ETV5: variants seen among roughly 807,000 people sequenced by gnomAD.
ETV5 encodes ETS translocation variant 5.
Under a neutral mutation model 70.0 loss-of-function variants are expected in ETV5, and 10 were observed. The observed-to-expected ratio is 0.14, with a 90% CI of 0.09 to 0.24. ETV5 has a LOEUF of 0.24. Among genes scored for constraint, ETV5 ranks in the 10% least tolerant of loss-of-function variants. The probability of loss-of-function intolerance (pLI) is 1.00; values close to 1 mark genes in which losing one functional copy is unlikely to be tolerated. For synonymous variants in ETV5, 216 were observed against 242.2 expected (o/e 0.89, Z 1.01); for missense variants, 453 against 651.2 (o/e 0.70, Z 3.31).
intron 7 of ETV5, among the ~76,000 whole-genome samples, chr3:186,071,234 A>G (rs911943928): frequency 2.0e-5 from 3 of 152,202 alleles, no homozygotes; most frequent in Non-Finnish European, 4.4e-5. Context: ...GACAGAGGTT[A>G]TATAGTGATT....
In ETV5 at chr3:186,057,291, C is replaced by T; in HGVS notation, c.1040-47G>A. The T allele has an allele frequency of 4.3e-6, 7 of 1,611,134 alleles. No homozygotes were observed. The highest frequency in any genetic ancestry group is 5.1e-6 in the Non-Finnish European group (6 of 1,177,718). On this transcript the variant is annotated intron_variant, in intron 10 of 12. Coordinates refer to ENST00000306376, the MANE Select transcript of ETV5 (RefSeq NM_004454.3). The surrounding 1 kb of genome is among the most constrained non-coding windows in gnomAD (Gnocchi z 4.9). ...CACACAATAGCTTAGTCCTAAGTTT[C>T]TCAGGTGGTTGGGACAAAAAGGAGT...
In ETV5 at chr3:186,074,396, T is replaced by G. The variant is rs143699771; in HGVS notation, c.650+5421A>C. ...GTTAGCAGTAAATTCTTCAAAAAGT[T>G]CAAGGAATAAAGACTTCCAATTTCA... On this transcript the variant is annotated intron_variant, in intron 7 of 12. Transcript: ENST00000306376. Among the ~76,000 whole-genome samples, 330 of 152,262 alleles carry G rather than the reference T, an allele frequency of 2.2e-3. 1 individual carries two copies. Among genetic ancestry groups the G allele is most frequent in the African/African-American group, 7.6e-3 (317 of 41,550 alleles).
At chr3:186,097,889 T>G (rs913620096) in intron 5 of ETV5, among the ~76,000 whole-genome samples, 3 of 152,190 alleles carry the variant, frequency 2.0e-5, no homozygotes, top group Admixed American at 6.5e-5. Flanking sequence ...GGGGTCTGGT[T>G]ATTCATTGAA....
intron 7 of ETV5, among the ~76,000 whole-genome samples, chr3:186,068,615 C>A (rs1388409556): frequency 6.6e-6 from 1 of 152,154 alleles, no homozygotes; most frequent in Non-Finnish European, 1.5e-5. Context: ...GGAAAGCCTG[C>A]CGTGCCTTAG....
At chr3:186,108,284 A>G (rs1714644759) in intron 1 of ETV5, among the ~76,000 whole-genome samples, 1 of 151,026 alleles carries the variant, frequency 6.6e-6, no homozygotes, top group African/African-American at 2.4e-5. Context: ...TATCCCCACC[A>G]TCCCCAGGCC....
chr3:186,077,391 C>T (rs538487188), intron 7 of ETV5, among the ~76,000 whole-genome samples: 2 of 152,254 alleles, frequency 1.3e-5, no homozygotes, highest in South Asian at 4.1e-4. Context: ...ATTTCTATTA[C>T]TTTTACAAAT....
rs1023789200 is a variant in ETV5 at position 186,075,585 on chromosome 3, CAAT to C, written c.650+4229_650+4231del. ...CCCATCCCTTTAAGCTCTGAATCCT[CAAT>C]AATAACCACCGAAGCAGACGTTCTT... On this transcript the variant is annotated intron_variant, in intron 7 of 12. Transcript: ENST00000306376. Among the ~76,000 whole-genome samples, 3 of 152,270 alleles carry C rather than the reference CAAT, an allele frequency of 2.0e-5. No individual in the cohort carries two copies. The East Asian group carries it at 5.8e-4, about 29-fold the overall frequency.
intron 11 of ETV5, among the ~76,000 whole-genome samples, chr3:186,055,509 GT>G: frequency 1.3e-5 from 2 of 152,214 alleles, no homozygotes; most frequent in East Asian, 3.8e-4. Context: ...AGCTCTGAAG[GT>G]AGACTGAACC....
At chr3:186,082,064 C>G (rs1319806344) in intron 5 of ETV5, among the ~76,000 whole-genome samples, 1 of 152,160 alleles carries the variant, frequency 6.6e-6, no homozygotes, top group Non-Finnish European at 1.5e-5. Flanking sequence ...CAAAATAAAC[C>G]CAAAGAACAA....
At chr3:186,106,043 C>T in intron 1 of ETV5, 101 bp from the exon 2 acceptor site, 1 of 807,208 alleles carries the variant, frequency 1.2e-6, no homozygotes, top group Non-Finnish European at 2.0e-6. Context: ...AAATTATTAC[C>T]CTTCTGTGAA....
chr3:186,085,034 C>T (rs10937240), intron 5 of ETV5, among the ~76,000 whole-genome samples: 46,115 of 152,032 alleles, frequency 0.3, 8,625 homozygotes, highest in East Asian at 0.6. Flanking sequence ...CATCATTTCA[C>T]TCAATCTTCC....
In ETV5 at chr3:186,084,543, T is replaced by A. The variant is rs115956965; in HGVS notation, c.233-3368A>T. Among the ~76,000 whole-genome samples the A allele has an allele frequency of 2.4e-3, 365 of 152,306 alleles. 1 individual carries two copies. Among genetic ancestry groups the A allele is most frequent in the African/African-American group, 8.3e-3 (346 of 41,564 alleles). ...AGGTATTCTGGATGTCGGGGGCCTATGATGCTAAGCAAAACAGACATGGCT... is the reference window on the plus strand; with the variant it reads ...AGGTATTCTGGATGTCGGGGGCCTAAGATGCTAAGCAAAACAGACATGGCT... On this transcript the variant is annotated intron_variant, in intron 5 of 12. Transcript: ENST00000306376.
chr3:186,055,692 TCTC>T (rs1713143499), intron 11 of ETV5, among the ~76,000 whole-genome samples: 1 of 152,180 alleles, frequency 6.6e-6, no homozygotes, highest in Non-Finnish European at 1.5e-5. Flanking sequence ...ATCCACACAT[TCTC>T]CTCCTTTTCC....
chr3:186,079,051 C>T, intron 7 of ETV5: 2 of 1,065,348 alleles, frequency 1.9e-6, no homozygotes, highest in Non-Finnish European at 2.3e-6. Context: ...CATCTTGCAT[C>T]CTTTGGTAAT....
intron 5 of ETV5, among the ~76,000 whole-genome samples, chr3:186,092,903 T>C (rs531455255): frequency 2.0e-5 from 3 of 152,332 alleles, no homozygotes; most frequent in African/African-American, 7.2e-5. Flanking sequence ...TTGTGACACA[T>C]ATCATGTACT....
At chr3:186,107,840 A>C (rs556131111) in intron 1 of ETV5, among the ~76,000 whole-genome samples, 1 of 152,120 alleles carries the variant, frequency 6.6e-6, no homozygotes, top group South Asian at 2.1e-4. Flanking sequence ...CCCCATTCAC[A>C]AAACAAGACA....
chr3:186,065,883 C>A lies in ETV5; in HGVS notation c.840G>T (p.Gly280=). 1 of 1,613,998 alleles carries A rather than the reference C, an allele frequency of 6.2e-7. No individual in the cohort carries two copies. ...LYEHGVPGMP[G]PPAHGFQSPM... ...GTGACTGGAACCCGTGTGCTGGGGG[C>A]CCTGGCATGCCCGGGACCCCATGTT... The change falls in exon 8 of 13, where the codon GGG becomes GGT. Residue 280 remains glycine (G), a synonymous_variant. Coordinates refer to ENST00000306376, the MANE Select transcript of ETV5 (RefSeq NM_004454.3).
intron 12 of ETV5, among the ~76,000 whole-genome samples, chr3:186,051,333 C>G: frequency 6.6e-6 from 1 of 152,206 alleles, no homozygotes; most frequent in East Asian, 1.9e-4. Flanking sequence ...AGTATCTGGG[C>G]AACAGTACAT....
chr3:186,092,026 G>A (rs1339177297), intron 5 of ETV5, among the ~76,000 whole-genome samples: 1 of 152,190 alleles, frequency 6.6e-6, no homozygotes, highest in East Asian at 1.9e-4. Flanking sequence ...AAGACCTTTT[G>A]GGGAAGATTT....
Sources: allele counts gnomAD v4.1 joint callset (sites outside exome capture counted in the v4.1 genomes callset), GRCh38; gene constraint gnomAD v4.1.1; non-coding constraint Gnocchi (gnomAD v3.1); transcripts MANE v1.5; gene names NCBI Gene and HGNC (gene_info 2026-07-23, HGNC 2026-07-21).